The following EYS variants were observed in gnomAD, a reference collection of about 807,000 sequenced individuals.
The protein encoded by EYS is protein eyes shut homolog.
In EYS, 250 loss-of-function variants were observed where a neutral mutation model predicts 282.1. The observed-to-expected ratio is 0.89, with a 90% CI of 0.80 to 0.98. The LOEUF (loss-of-function observed/expected upper bound fraction) is 0.98, where lower values mean the gene tolerates loss of function less well. Ranked by LOEUF, EYS falls within the 50% of genes least tolerant of loss-of-function variation. EYS has a pLI of 0.00. For missense variants in EYS, 4,016 were observed against 3,709.0 expected (o/e 1.08, Z -2.15); for synonymous variants, 1,355 against 1,282.9 (o/e 1.06, Z -1.20).
intron 41 of EYS, among the ~76,000 whole-genome samples, chr6:63,736,298 T>C (rs1186972924): frequency 6.6e-6 from 1 of 152,232 alleles, no homozygotes; most frequent in Non-Finnish European, 1.5e-5. Context: ...TTCAGCTTTC[T>C]ACATATGACT....
intron 36 of EYS, among the ~76,000 whole-genome samples, chr6:63,817,933 C>T (rs935993425): frequency 2.0e-5 from 3 of 152,156 alleles, no homozygotes; most frequent in Non-Finnish European, 2.9e-5. Flanking sequence ...GTGTGAAGCA[C>T]TATCCCAAGG....
chr6:64,726,904 T>C (rs1381004621), intron 22 of EYS, among the ~76,000 whole-genome samples: 2 of 152,150 alleles, frequency 1.3e-5, no homozygotes, highest in Middle Eastern at 3.2e-3. Context: ...AAACAATGAA[T>C]AACATGCACT....
chr6:64,270,918 G>A (rs190519610), intron 30 of EYS, among the ~76,000 whole-genome samples: 36 of 152,226 alleles, frequency 2.4e-4, no homozygotes, highest in African/African-American at 7.9e-4. Context: ...AATGGTGTAT[G>A]TACACTGTAT....
At chr6:63,759,845 G>A (rs1187123697) in intron 41 of EYS, among the ~76,000 whole-genome samples, 1 of 152,036 alleles carries the variant, frequency 6.6e-6, no homozygotes, top group Non-Finnish European at 1.5e-5. Context: ...GAAAACCAAG[G>A]ACTTGGCTGG....
intron 30 of EYS, among the ~76,000 whole-genome samples, chr6:64,298,465 A>T (rs1197478475): frequency 3.9e-5 from 6 of 152,292 alleles, no homozygotes; most frequent in African/African-American, 1.4e-4. Flanking sequence ...TTCTTGTTAT[A>T]AACTCAACTT....
Position 64,511,383 on chromosome 6 carries a change from A to T in EYS, c.5645-72031T>A, listed in dbSNP as rs1362617073. Reference sequence around the variant, plus strand: ...TTGTTTGCTTCCTTACTTATCTGTTAATATGTCCCTTAGGAGGAAATCGCA... The same window carrying T: ...TTGTTTGCTTCCTTACTTATCTGTTTATATGTCCCTTAGGAGGAAATCGCA... On this transcript the variant is annotated intron_variant, in intron 26 of 42. Coordinates refer to ENST00000503581, the MANE Select transcript of EYS (RefSeq NM_001142800.2). Among the ~76,000 whole-genome samples, 5 of 149,632 alleles carry T rather than the reference A, an allele frequency of 3.3e-5. No homozygotes were observed. In the East Asian group the frequency reaches 9.7e-4, roughly 29 times the overall value.
intron 18 of EYS, among the ~76,000 whole-genome samples, chr6:64,890,117 T>A (rs1193293049): frequency 6.7e-6 from 1 of 149,216 alleles, no homozygotes; most frequent in Non-Finnish European, 1.5e-5. Context: ...CAGTCTCCCA[T>A]AGCGCTCCCA....
chr6:64,127,758 G>A (rs6924304), intron 31 of EYS, among the ~76,000 whole-genome samples: 2,926 of 152,102 alleles, frequency 0.019, 80 homozygotes, highest in African/African-American at 0.066. Flanking sequence ...AGCAAAGAAA[G>A]ATATCTCAGG....
At chr6:63,867,036 C>G (rs1772686678) in intron 35 of EYS, among the ~76,000 whole-genome samples, 1 of 152,214 alleles carries the variant, frequency 6.6e-6, no homozygotes, top group African/African-American at 2.4e-5. Context: ...TCTTCAAAAG[C>G]TACCAAGCCT....
chr6:65,253,893 CCAATA>C (rs953184453), intron 12 of EYS, among the ~76,000 whole-genome samples: 1 of 151,610 alleles, frequency 6.6e-6, no homozygotes, highest in Non-Finnish European at 1.5e-5. Context: ...GGCATTTCCC[CCAATA>C]CAATATAAAT....
chr6:65,453,357 TA>T (rs1364781195), intron 5 of EYS, among the ~76,000 whole-genome samples: 1 of 151,986 alleles, frequency 6.6e-6, no homozygotes, highest in Admixed American at 6.6e-5. Flanking sequence ...GAACTGATTT[TA>T]AAACTCAAAT....
In EYS at chr6:65,167,672, G is replaced by C. The variant is rs182152263; in HGVS notation, c.2024-109945C>G. Reference sequence around the variant, plus strand: ...AGAACTTCTGGAAACTGACTTGAGAGTACCTGTTTGGGGCAACTATTGATT... The same window carrying C: ...AGAACTTCTGGAAACTGACTTGAGACTACCTGTTTGGGGCAACTATTGATT... On this transcript the variant is annotated intron_variant, in intron 12 of 42. Transcript: ENST00000503581. Among the ~76,000 whole-genome samples, 225 of 151,252 alleles carry C rather than the reference G, an allele frequency of 1.5e-3. 2 individuals carry two copies. Among genetic ancestry groups the C allele is most frequent in the South Asian group, 3.7e-3 (18 of 4,822 alleles).
At chr6:64,635,674 C>T (rs914382994) in intron 22 of EYS, among the ~76,000 whole-genome samples, 11 of 152,154 alleles carry the variant, frequency 7.2e-5, no homozygotes, top group African/African-American at 2.7e-4. Context: ...GGGATGAAGC[C>T]CACTTGATCA....
At chr6:64,634,455 C>T (rs549222655) in intron 22 of EYS, among the ~76,000 whole-genome samples, 9 of 151,534 alleles carry the variant, frequency 5.9e-5, no homozygotes, top group South Asian at 2.1e-4. Flanking sequence ...CCCTACTAGC[C>T]ATGGATAGCT....
At chr6:63,900,062 G>A (rs142029560) in intron 35 of EYS, among the ~76,000 whole-genome samples, 321 of 152,166 alleles carry the variant, frequency 2.1e-3, no homozygotes, top group African/African-American at 7.3e-3. Flanking sequence ...AAATAATCAC[G>A]TAGAGCTACG....
At chr6:64,245,316 GTGTTTTGTTT>G (rs70999138) in intron 30 of EYS, among the ~76,000 whole-genome samples, 2 of 150,762 alleles carry the variant, frequency 1.3e-5, no homozygotes, top group South Asian at 4.2e-4. Context: ...TTTTTTGTGG[GTGTTTTGTTT>G]TGTTTTGTTT....
chr6:65,029,307 G>A (rs1181323073), intron 13 of EYS, among the ~76,000 whole-genome samples: 1 of 151,714 alleles, frequency 6.6e-6, no homozygotes, highest in Non-Finnish European at 1.5e-5. Flanking sequence ...GCATGTGTGG[G>A]TATGTATGCA....
intron 18 of EYS, among the ~76,000 whole-genome samples, chr6:64,895,707 C>T (rs942574523): frequency 1.3e-5 from 2 of 152,160 alleles, no homozygotes; most frequent in East Asian, 3.9e-4. Context: ...GAAAGATGAA[C>T]TTAATATGTA....
chr6:63,958,345 A>C (rs1765909517), intron 35 of EYS, among the ~76,000 whole-genome samples: 1 of 118,226 alleles, frequency 8.5e-6, no homozygotes, highest in South Asian at 2.7e-4. Flanking sequence ...ATAGAGGAAG[A>C]AAATCTGGCA....
Sources: gnomAD v4.1 joint callset for allele counts (sites outside exome capture counted in the v4.1 genomes callset) on GRCh38, gnomAD v4.1.1 for gene constraint, MANE v1.5 for transcripts, NCBI Gene and HGNC (gene_info 2026-07-23, HGNC 2026-07-21) for gene names.